Variants in HMGA2 observed in about 807,000 individuals in gnomAD.
HMGA2 encodes high mobility group AT-hook 2.
HMGA2 carries 8 observed loss-of-function variants against 19.1 expected under a neutral mutation model. The ratio of observed to expected loss-of-function variants is 0.42; its 90% CI spans 0.25 to 0.76. The LOEUF (loss-of-function observed/expected upper bound fraction) is 0.76. Among genes scored for constraint, HMGA2 ranks in the 30% least tolerant of loss-of-function variants. The probability of loss-of-function intolerance (pLI) is 0.28; values close to 1 mark genes in which losing one functional copy is unlikely to be tolerated. For missense variants in HMGA2, 109 were observed against 136.3 expected (o/e 0.80, Z 1.00); for synonymous variants, 60 against 48.8 (o/e 1.23, Z -0.96).
intron 4 of HMGA2, among the ~76,000 whole-genome samples, chr12:65,962,352 A>G (rs74097846): frequency 0.022 from 3,282 of 152,328 alleles, 117 homozygotes; most frequent in African/African-American, 0.075. Context: ...TTCCAGAGCC[A>G]TAAGGAATCA....
In HMGA2 at chr12:65,887,130, C is replaced by G. The variant is rs1178239724; in HGVS notation, c.249+48561C>G. The stretch of plus-strand genomic sequence containing the variant: ...TCATTACACAAACGCTGACTCCCCC[C>G]CTCATAAAATGGATGATATTTTAGT... On this transcript the variant is annotated intron_variant, in intron 3 of 4. Transcript: ENST00000403681. 6.6e-5 allele frequency among the ~76,000 whole-genome samples: 10 copies of G among 152,178 alleles called. No individual in the cohort carries two copies. The East Asian group carries it at 1.7e-3, about 26-fold the overall frequency.
At chr12:65,933,542 G>A in intron 3 of HMGA2, among the ~76,000 whole-genome samples, 1 of 152,114 alleles carries the variant, frequency 6.6e-6, no homozygotes, top group East Asian at 1.9e-4. Context: ...TTTGTATACA[G>A]AATGATGCAT....
At chr12:65,950,787 A>G (rs575050177) in intron 3 of HMGA2, among the ~76,000 whole-genome samples, 1 of 152,362 alleles carries the variant, frequency 6.6e-6, no homozygotes, top group South Asian at 2.1e-4. Flanking sequence ...TTTGTGATAT[A>G]TAGGCTAAAA....
chr12:65,953,166 T>C (rs1876512241), intron 4 of HMGA2: 1 of 152,224 alleles, frequency 6.6e-6, no homozygotes, highest in South Asian at 2.1e-4. Flanking sequence ...GTTTATTTGG[T>C]CTGGAGATCC....
intron 3 of HMGA2, among the ~76,000 whole-genome samples, chr12:65,853,100 C>A (rs1252902678): frequency 1.3e-5 from 2 of 152,066 alleles, no homozygotes; most frequent in Admixed American, 1.3e-4. Context: ...GGAAGGTTGC[C>A]GACTGACGTG....
intron 3 of HMGA2, among the ~76,000 whole-genome samples, chr12:65,951,019 T>C (rs1405697833): frequency 6.6e-6 from 1 of 152,108 alleles, no homozygotes; most frequent in Non-Finnish European, 1.5e-5. Flanking sequence ...GCCTTGACCT[T>C]TCTTGGCCCA....
chr12:65,895,232 A>T (rs1874076283), intron 3 of HMGA2, among the ~76,000 whole-genome samples: 1 of 152,214 alleles, frequency 6.6e-6, no homozygotes, highest in Non-Finnish European at 1.5e-5. Context: ...CCCAGCAAAC[A>T]TTAAAATGGA....
At chr12:65,908,194 T>C (rs1319963213) in intron 3 of HMGA2, among the ~76,000 whole-genome samples, 1 of 152,148 alleles carries the variant, frequency 6.6e-6, no homozygotes, top group Non-Finnish European at 1.5e-5. Context: ...CACACTTTAC[T>C]TTACTTGTAC....
chr12:65,877,551 C>T (rs144117089), intron 3 of HMGA2, among the ~76,000 whole-genome samples: 15 of 152,258 alleles, frequency 9.9e-5, no homozygotes, highest in African/African-American at 3.1e-4. Context: ...AAGTTCATCC[C>T]GCTGTACAGC....
At chr12:65,871,371 C>T (rs1449125795) in intron 3 of HMGA2, among the ~76,000 whole-genome samples, 1 of 152,156 alleles carries the variant, frequency 6.6e-6, no homozygotes, top group Non-Finnish European at 1.5e-5. Flanking sequence ...TATTTACTCT[C>T]CAACCCTTAA....
intron 4 of HMGA2, among the ~76,000 whole-genome samples, chr12:65,960,578 AG>A (rs1319628881): frequency 6.6e-6 from 1 of 152,204 alleles, no homozygotes; most frequent in African/African-American, 2.4e-5. Flanking sequence ...CTTCCTTTGA[AG>A]GGTGGCCAGC....
At chr12:65,892,807 C>T (rs1347673226) in intron 3 of HMGA2, among the ~76,000 whole-genome samples, 1 of 152,044 alleles carries the variant, frequency 6.6e-6, no homozygotes, top group Non-Finnish European at 1.5e-5. Flanking sequence ...TGAGAAAAGT[C>T]CTCAGTTTTA....
At chr12:65,882,252 A>T (rs938388223) in intron 3 of HMGA2, 33 of 290,304 alleles carry the variant, frequency 1.1e-4, no homozygotes, top group Non-Finnish European at 1.5e-4. Context: ...TTCTGTTCAT[A>T]CTGAAGCAGC....
At chr12:65,949,184 GTCA>G (rs1220190819) in intron 3 of HMGA2, among the ~76,000 whole-genome samples, 1 of 151,870 alleles carries the variant, frequency 6.6e-6, no homozygotes, top group Non-Finnish European at 1.5e-5. Context: ...TTGTGATGAC[GTCA>G]TCTTTACTGT....
intron 3 of HMGA2, among the ~76,000 whole-genome samples, chr12:65,902,956 AG>A (rs1428997342): frequency 2.6e-5 from 4 of 152,170 alleles, no homozygotes; most frequent in African/African-American, 9.7e-5. Context: ...ATATAAACCA[AG>A]TAGTAGTATT....
At chr12:65,891,385 T>C (rs928925799) in intron 3 of HMGA2, among the ~76,000 whole-genome samples, 2 of 152,166 alleles carry the variant, frequency 1.3e-5, no homozygotes, top group African/African-American at 2.4e-5. Flanking sequence ...CCATCAGTAG[T>C]GATTCATGAT....
At chr12:65,881,666 G>A in intron 3 of HMGA2, 1 of 687,948 alleles carries the variant, frequency 1.5e-6, no homozygotes, top group East Asian at 2.7e-5. Flanking sequence ...GAGAGAGAGA[G>A]GGGAGAAATA....
chr12:65,908,127 A>G (rs1372131721), intron 3 of HMGA2, among the ~76,000 whole-genome samples: 11 of 152,226 alleles, frequency 7.2e-5, no homozygotes. Flanking sequence ...TAAATTTGGT[A>G]TAATTTTGTT....
At chr12:65,861,228 T>C (rs867340265) in intron 3 of HMGA2, among the ~76,000 whole-genome samples, 1 of 152,078 alleles carries the variant, frequency 6.6e-6, no homozygotes, top group East Asian at 1.9e-4. Flanking sequence ...TGAGCGGGCA[T>C]GGTGACACAT....
Sources: allele counts gnomAD v4.1 joint callset (sites outside exome capture counted in the v4.1 genomes callset), GRCh38; gene constraint gnomAD v4.1.1; transcripts MANE v1.5; gene names NCBI Gene and HGNC (gene_info 2026-07-23, HGNC 2026-07-21).